The following DSCAML1 variants were observed in gnomAD, a reference collection of about 807,000 sequenced individuals.
The protein encoded by DSCAML1 is DS cell adhesion molecule like 1.
DSCAML1 carries 38 observed loss-of-function variants against 200.5 expected under a neutral mutation model. The ratio of observed to expected loss-of-function variants is 0.19; its 90% CI spans 0.15 to 0.25. DSCAML1 has a LOEUF of 0.25. Among genes scored for constraint, DSCAML1 ranks in the 10% least tolerant of loss-of-function variants. The pLI, the probability that DSCAML1 is intolerant of heterozygous loss-of-function variation, is 1.00. For missense variants in DSCAML1, 2,223 were observed against 2,858.8 expected (o/e 0.78, Z 5.07); for synonymous variants, 1,215 against 1,165.0 (o/e 1.04, Z -0.87).
At chr11:117,735,323 T>A (rs1349640948) in intron 3 of DSCAML1, among the ~76,000 whole-genome samples, 2 of 152,174 alleles carry the variant, frequency 1.3e-5, no homozygotes, top group African/African-American at 2.4e-5. Context: ...TACAAGGGAC[T>A]TTCATGTTCA....
At chr11:117,488,393 G>A (rs911944099) in intron 11 of DSCAML1, among the ~76,000 whole-genome samples, 8 of 152,132 alleles carry the variant, frequency 5.3e-5, no homozygotes, top group Non-Finnish European at 1.0e-4. Context: ...TCATTGAGTC[G>A]CAGTAATAAA....
intron 3 of DSCAML1, among the ~76,000 whole-genome samples, chr11:117,615,206 C>A (rs552580102): frequency 6.6e-6 from 1 of 152,050 alleles, no homozygotes; most frequent in Non-Finnish European, 1.5e-5. Flanking sequence ...CTGGCTGCTG[C>A]GAAGGTGAAA....
intron 3 of DSCAML1, among the ~76,000 whole-genome samples, chr11:117,669,794 G>T (rs556315857): frequency 2.6e-5 from 4 of 152,350 alleles, no homozygotes; most frequent in East Asian, 3.9e-4. Flanking sequence ...ATGTGCAAAG[G>T]CCCTGGGGCA....
intron 15 of DSCAML1, 68 bp downstream of exon 15, chr11:117,471,801 T>TCCCACC: frequency 8.0e-7 from 1 of 1,243,236 alleles, no homozygotes; most frequent in Non-Finnish European, 1.1e-6. Flanking sequence ...GTGAACAGGA[T>TCCCACC]CGCTGTAGGC....
intron 3 of DSCAML1, among the ~76,000 whole-genome samples, chr11:117,654,285 C>A (rs975240749): frequency 1.3e-5 from 2 of 152,130 alleles, no homozygotes; most frequent in South Asian, 4.1e-4. Flanking sequence ...GATGGTTGCA[C>A]ATATCTGTGA....
At chr11:117,729,786 T>C (rs1322521796) in intron 3 of DSCAML1, among the ~76,000 whole-genome samples, 1 of 152,182 alleles carries the variant, frequency 6.6e-6, no homozygotes, top group Non-Finnish European at 1.5e-5. Context: ...CCTAATCCCC[T>C]AGAACAGGTG....
At chr11:117,812,607 C>T (rs564726395) in intron 1 of DSCAML1, among the ~76,000 whole-genome samples, 120 of 152,116 alleles carry the variant, frequency 7.9e-4, no homozygotes, top group Non-Finnish European at 4.9e-4. Context: ...TCAGGCTCAG[C>T]AAATTACCTG....
intron 1 of DSCAML1, among the ~76,000 whole-genome samples, chr11:117,788,793 T>C (rs1197388846): frequency 6.6e-6 from 1 of 152,236 alleles, no homozygotes; most frequent in African/African-American, 2.4e-5. Flanking sequence ...TTCTTGGTGT[T>C]GCACAGTTCG....
At chr11:117,783,249 C>A (rs572422939) in intron 1 of DSCAML1, among the ~76,000 whole-genome samples, 1 of 152,282 alleles carries the variant, frequency 6.6e-6, no homozygotes, top group South Asian at 2.1e-4. Flanking sequence ...GGTAATCAGG[C>A]ACTCTCACCT....
chr11:117,696,340 T>C (rs1351795254), intron 3 of DSCAML1, among the ~76,000 whole-genome samples: 2 of 152,066 alleles, frequency 1.3e-5, no homozygotes, highest in Admixed American at 6.5e-5. Flanking sequence ...GTTTGGGGTA[T>C]CGAGAAAGGA....
At chr11:117,733,237 G>A in intron 3 of DSCAML1, among the ~76,000 whole-genome samples, 1 of 152,148 alleles carries the variant, frequency 6.6e-6, no homozygotes, top group Non-Finnish European at 1.5e-5. Context: ...ACCTCCTGTT[G>A]CTCTCCCCAT....
At chr11:117,737,494 G>A (rs1565903098) in intron 3 of DSCAML1, among the ~76,000 whole-genome samples, 1 of 152,238 alleles carries the variant, frequency 6.6e-6, no homozygotes, top group Non-Finnish European at 1.5e-5. Context: ...GCATAATGCT[G>A]TCCAAGACCG....
At chr11:117,817,455 C>CGAT (rs1258145985) in exon 1 of DSCAML1, 1 of 152,292 alleles carries the variant, frequency 6.6e-6, no homozygotes, top group East Asian at 1.9e-4. Flanking sequence ...GAACAACCAC[C>CGAT]GATGCCCCAT....
At chr11:117,675,470 ATTTTTTTTTTTTTT>A (rs533948278) in intron 3 of DSCAML1, among the ~76,000 whole-genome samples, 7 of 96,928 alleles carry the variant, frequency 7.2e-5, no homozygotes, top group African/African-American at 2.4e-4. Flanking sequence ...GCTGATTGAA[ATTTTTTTTTTTTTT>A]TTTTTTTTTT....
chr11:117,583,992 C>T (rs1417791045), intron 3 of DSCAML1, among the ~76,000 whole-genome samples: 1 of 152,210 alleles, frequency 6.6e-6, no homozygotes, highest in Non-Finnish European at 1.5e-5. Context: ...CTGTACACGG[C>T]CTGCAGGGGG....
chr11:117,428,807 G>T lies in DSCAML1; in HGVS notation c.5687-4C>A. Reference sequence around the variant, plus strand: ...AGGGGCAGGTTGCAGTAGTCACCTGGAATCACAGAGGCAGAGGATGTTACA... The same window carrying T: ...AGGGGCAGGTTGCAGTAGTCACCTGTAATCACAGAGGCAGAGGATGTTACA... On this transcript the variant is annotated splice_polypyrimidine_tract_variant and splice_region_variant and intron_variant, in intron 32 of 32. Transcript: ENST00000651296. 6.3e-7 allele frequency: 1 copy of T among 1,589,896 alleles called. No individual in the cohort carries two copies. Among genetic ancestry groups the T allele is most frequent in the South Asian group, 1.1e-5 (1 of 87,746 alleles).
Position 117,431,528 on chromosome 11 carries a change from G to T in DSCAML1, c.5374+6C>A. On this transcript the variant is annotated splice_donor_region_variant and intron_variant, in intron 31 of 32. Coordinates refer to ENST00000651296, the MANE Select transcript of DSCAML1 (RefSeq NM_020693.4). ...GTTCAGGATGCCAGCAGGGCCTTAGGCACACCTGTGTCCTGGGACAGGCTG... is the reference window on the plus strand; with the variant it reads ...GTTCAGGATGCCAGCAGGGCCTTAGTCACACCTGTGTCCTGGGACAGGCTG... 1 of 1,556,380 alleles carries T rather than the reference G, an allele frequency of 6.4e-7. No homozygotes were observed.
chr11:117,436,801 C>T (rs984926686), intron 26 of DSCAML1, among the ~76,000 whole-genome samples: 1 of 152,188 alleles, frequency 6.6e-6, no homozygotes, highest in Non-Finnish European at 1.5e-5. Flanking sequence ...CTCAACCACA[C>T]CTCTACCTCC....
chr11:117,767,317 G>A (rs12786234), intron 3 of DSCAML1, among the ~76,000 whole-genome samples: 18,976 of 151,932 alleles, frequency 0.12, 1,347 homozygotes, highest in African/African-American at 0.19. Flanking sequence ...ATAATAATAC[G>A]GACTACATAG....
Sources: allele counts gnomAD v4.1 joint callset (sites outside exome capture counted in the v4.1 genomes callset), GRCh38; gene constraint gnomAD v4.1.1; transcripts MANE v1.5; gene names NCBI Gene and HGNC (gene_info 2026-07-23, HGNC 2026-07-21).